TRAK1: variants seen among roughly 807,000 people sequenced by gnomAD.
The protein encoded by TRAK1 is trafficking kinesin-binding protein 1.
In TRAK1, 33 loss-of-function variants were observed where a neutral mutation model predicts 92.1. That is an observed-to-expected ratio of 0.36 (90% CI 0.27 to 0.48). The LOEUF is 0.48. Ranked by LOEUF, TRAK1 falls within the 20% of genes least tolerant of loss-of-function variation. TRAK1 has a pLI of 0.99. For missense variants in TRAK1, 1,123 were observed against 1,257.9 expected, an observed-to-expected ratio of 0.89 and a Z score of 1.62; for synonymous variants, 521 against 517.3, an observed-to-expected ratio of 1.01 and a Z score of -0.10.
intron 1 of TRAK1, among the ~76,000 whole-genome samples, chr3:42,048,752 C>T (rs1002947): frequency 0.49 from 74,074 of 151,768 alleles, 19,994 homozygotes; most frequent in African/African-American, 0.74. Context: ...TTAGTAGAGA[C>T]GGGGTTTCCC....
intron 3 of TRAK1, among the ~76,000 whole-genome samples, 173 bp downstream of exon 3, chr3:42,177,063 A>T (rs1435942204): frequency 6.6e-6 from 1 of 152,246 alleles, no homozygotes; most frequent in Admixed American, 6.5e-5. Context: ...AGGCCTTTAT[A>T]GCTGTAATTG....
chr3:42,198,500 G>A (rs963751692), intron 10 of TRAK1, among the ~76,000 whole-genome samples: 1 of 152,198 alleles, frequency 6.6e-6, no homozygotes, highest in Non-Finnish European at 1.5e-5. Flanking sequence ...GATAGTTGGC[G>A]GTGAGAGGAA....
At chr3:42,216,540 G>C (rs1019846562) in intron 14 of TRAK1, among the ~76,000 whole-genome samples, 3 of 152,196 alleles carry the variant, frequency 2.0e-5, no homozygotes, top group African/African-American at 7.2e-5. Flanking sequence ...TCCACCTGTA[G>C]CTAGCTGAAG....
intron 14 of TRAK1, among the ~76,000 whole-genome samples, chr3:42,212,946 G>C (rs912343549): frequency 6.6e-6 from 1 of 152,076 alleles, no homozygotes; most frequent in Non-Finnish European, 1.5e-5. Context: ...CATCAAGACT[G>C]GTTCATATTG....
intron 2 of TRAK1, among the ~76,000 whole-genome samples, chr3:42,127,403 G>A (rs926288669): frequency 1.3e-5 from 2 of 149,554 alleles, no homozygotes; most frequent in African/African-American, 2.5e-5. Flanking sequence ...CCCAGGCTGG[G>A]GTGCAGTGGT....
intron 2 of TRAK1, among the ~76,000 whole-genome samples, chr3:42,148,126 T>C (rs1392245425): frequency 6.6e-6 from 1 of 151,832 alleles, no homozygotes; most frequent in African/African-American, 2.4e-5. Context: ...AGTAAATAAG[T>C]AGTTTTGGTT....
chr3:42,176,204 A>G (rs770561822), intron 2 of TRAK1, among the ~76,000 whole-genome samples: 2 of 152,114 alleles, frequency 1.3e-5, no homozygotes, highest in Non-Finnish European at 2.9e-5. Flanking sequence ...TGTGTGTGCA[A>G]TCATAGTAGT....
chr3:42,207,390 T>G (rs964684774), intron 13 of TRAK1, among the ~76,000 whole-genome samples: 1 of 152,158 alleles, frequency 6.6e-6, no homozygotes, highest in African/African-American at 2.4e-5. Flanking sequence ...GCTGACCATT[T>G]GTGCAGCTGG....
intron 2 of TRAK1, among the ~76,000 whole-genome samples, chr3:42,144,386 C>T (rs527712842): frequency 3.9e-4 from 59 of 152,186 alleles, no homozygotes; most frequent in African/African-American, 1.4e-3. Context: ...TTATAGCTTC[C>T]CCTGTCTCTG....
rs762952299 is a variant in TRAK1 at position 42,191,616 on chromosome 3, A to T, written c.749A>T (p.Asn250Ile). 6.2e-7 allele frequency: 1 copy of T among 1,603,632 alleles called. No individual in the cohort carries two copies. The highest frequency in any genetic ancestry group is 1.1e-5 in the South Asian group (1 of 88,402). Residue 250 changes from asparagine (N) to isoleucine (I), a missense_variant, in exon 7 of 16, where the codon AAT becomes ATT. Transcript: ENST00000327628. ...TYEEKEQQLVNDCVKELRDAN... is the reference protein window; with the variant it reads ...TYEEKEQQLVIDCVKELRDAN... ...GAGGAGAAGGAGCAGCAGCTGGTCA[A>T]TGACTGCGTGAAGGAGCTGAGTATG...
intron 2 of TRAK1, among the ~76,000 whole-genome samples, chr3:42,172,109 T>C (rs192611955): frequency 6.6e-6 from 1 of 152,184 alleles, no homozygotes; most frequent in African/African-American, 2.4e-5. Flanking sequence ...GACTTGATTC[T>C]CCTCTTATCT....
At chr3:42,064,462 G>A (rs1305064985) in intron 1 of TRAK1, among the ~76,000 whole-genome samples, 1 of 152,018 alleles carries the variant, frequency 6.6e-6, no homozygotes, top group African/African-American at 2.4e-5. Flanking sequence ...CTTGCTGTCT[G>A]AGTTACCCAA....
chr3:42,129,563 T>A (rs1244161311), intron 2 of TRAK1, among the ~76,000 whole-genome samples: 1 of 152,076 alleles, frequency 6.6e-6, no homozygotes, highest in African/African-American at 2.4e-5. Context: ...TTTTAGTGCT[T>A]CTCCCAGTCA....
chr3:42,121,962 C>T (rs555011921), intron 1 of TRAK1, among the ~76,000 whole-genome samples: 1 of 152,146 alleles, frequency 6.6e-6, no homozygotes, highest in Admixed American at 6.5e-5. Context: ...GGATTACCAG[C>T]GTGCGCCGCT....
chr3:42,046,033 C>G (rs1364491807), intron 1 of TRAK1, among the ~76,000 whole-genome samples: 3 of 152,070 alleles, frequency 2.0e-5, no homozygotes, highest in Non-Finnish European at 2.9e-5. Context: ...GATAATTGAG[C>G]AATTCAGTAT....
intron 1 of TRAK1, among the ~76,000 whole-genome samples, chr3:42,105,277 A>T (rs562762843): frequency 1.3e-5 from 2 of 152,236 alleles, no homozygotes; most frequent in Non-Finnish European, 2.9e-5. Context: ...TTAAAAAAAG[A>T]TTAGACAAAT....
intron 1 of TRAK1, among the ~76,000 whole-genome samples, chr3:42,054,687 A>G (rs1192121428): frequency 6.6e-6 from 1 of 152,112 alleles, no homozygotes; most frequent in Non-Finnish European, 1.5e-5. Context: ...GTTATTTTAT[A>G]TATAGTAGAA....
At chr3:42,191,433 C>A in intron 6 of TRAK1, 125 bp from the exon 7 acceptor site, 1 of 684,880 alleles carries the variant, frequency 1.5e-6, no homozygotes, top group Non-Finnish European at 2.4e-6. Context: ...CGATGGGTGA[C>A]AGGTGGGGGA....
At chr3:42,128,471 G>A (rs1392985958) in intron 2 of TRAK1, among the ~76,000 whole-genome samples, 1 of 152,178 alleles carries the variant, frequency 6.6e-6, no homozygotes, top group Non-Finnish European at 1.5e-5. Flanking sequence ...TTAATTGAAC[G>A]ATCAGGTGTT....
Sources: gnomAD v4.1 joint callset for allele counts (sites outside exome capture counted in the v4.1 genomes callset) on GRCh38, gnomAD v4.1.1 for gene constraint, MANE v1.5 for transcripts, NCBI Gene and HGNC (gene_info 2026-07-23, HGNC 2026-07-21) for gene names.